Variants in PCDH9 observed in about 807,000 individuals in gnomAD.
PCDH9 encodes the protein protocadherin 9.
Under a neutral mutation model 70.6 loss-of-function variants are expected in PCDH9, and 24 were observed. The observed-to-expected ratio is 0.34, with a 90% CI of 0.25 to 0.48. The LOEUF is 0.48. Among genes scored for constraint, PCDH9 ranks in the 20% least tolerant of loss-of-function variants. The pLI is 0.99. For missense variants in PCDH9, 1,281 were observed against 1,503.6 expected (o/e 0.85, Z 2.45); for synonymous variants, 562 against 558.5 (o/e 1.01, Z -0.09).
intron 4 of PCDH9, among the ~76,000 whole-genome samples, chr13:66,451,920 C>T (rs1160313843): frequency 6.6e-6 from 1 of 152,140 alleles, no homozygotes; most frequent in Non-Finnish European, 1.5e-5. Flanking sequence ...TTTTTCAATA[C>T]TTTTGATATG....
intron 3 of PCDH9, among the ~76,000 whole-genome samples, chr13:66,799,787 A>G (rs1316306007): frequency 6.6e-6 from 1 of 152,150 alleles, no homozygotes; most frequent in Non-Finnish European, 1.5e-5. Context: ...AGGTCAAAAA[A>G]CTTTATGAGT....
rs565350057 is a variant in PCDH9, at chr13:66,375,187, G to A, written c.3341-70159C>T. ...CAGATGAAGTTAAGACAATTTTTCT[G>A]TAATTCCATATAATTACTCAGGTGC... On this transcript the variant is annotated intron_variant, in intron 4 of 4. Coordinates refer to ENST00000377865, the MANE Select transcript of PCDH9 (RefSeq NM_203487.3). 2.0e-5 allele frequency among the ~76,000 whole-genome samples: 3 copies of A among 152,088 alleles called. No individual in the cohort carries two copies. In the East Asian group the frequency reaches 5.8e-4, roughly 29 times the overall value.
intron 2 of PCDH9, among the ~76,000 whole-genome samples, chr13:67,000,481 T>G (rs540017609): frequency 5.0e-4 from 56 of 111,048 alleles, no homozygotes; most frequent in Middle Eastern, 9.1e-3. Context: ...TAAAGTATAA[T>G]AATAATAAAA....
chr13:66,904,123 T>A (rs1322096023), intron 2 of PCDH9, among the ~76,000 whole-genome samples: 1 of 151,930 alleles, frequency 6.6e-6, no homozygotes, highest in Non-Finnish European at 1.5e-5. Flanking sequence ...AGTGATACAT[T>A]TGAAATAGAT....
At chr13:66,675,117 C>A (rs2078224897) in intron 3 of PCDH9, among the ~76,000 whole-genome samples, 1 of 152,060 alleles carries the variant, frequency 6.6e-6, no homozygotes, top group South Asian at 2.1e-4. Context: ...GCCTCAGATT[C>A]CTTATCTGTA....
chr13:66,471,950 C>T (rs1390188885), intron 4 of PCDH9, among the ~76,000 whole-genome samples: 1 of 152,042 alleles, frequency 6.6e-6, no homozygotes, highest in Non-Finnish European at 1.5e-5. Flanking sequence ...GTGGTTCGCG[C>T]CTGTAAACCT....
At chr13:66,425,746 GT>G (rs1957657512) in intron 4 of PCDH9, among the ~76,000 whole-genome samples, 1 of 151,592 alleles carries the variant, frequency 6.6e-6, no homozygotes. Context: ...TGGAAAAACA[GT>G]TTTTATACAG....
chr13:66,855,160 C>T (rs141051623), intron 3 of PCDH9, among the ~76,000 whole-genome samples: 2 of 152,150 alleles, frequency 1.3e-5, no homozygotes, highest in East Asian at 3.9e-4. Flanking sequence ...CATTGTGCTA[C>T]CAATGCTAAT....
intron 3 of PCDH9, among the ~76,000 whole-genome samples, chr13:66,769,383 A>C (rs2079768399): frequency 6.6e-6 from 1 of 152,122 alleles, no homozygotes; most frequent in Non-Finnish European, 1.5e-5. Context: ...TGATGCTTAA[A>C]TTGGGTATAG....
chr13:66,596,824 C>T (rs1300297564), intron 4 of PCDH9, among the ~76,000 whole-genome samples: 5 of 145,000 alleles, frequency 3.4e-5, no homozygotes, highest in Non-Finnish European at 7.5e-5. Flanking sequence ...AAAAAAAAAA[C>T]ATGGCTTGAG....
chr13:66,913,984 G>C (rs1594252089), intron 2 of PCDH9, among the ~76,000 whole-genome samples: 1 of 151,760 alleles, frequency 6.6e-6, no homozygotes, highest in African/African-American at 2.4e-5. Context: ...AAAAGAATTG[G>C]TGCTTTGAAT....
chr13:66,832,622 A>G (rs1289759348), intron 3 of PCDH9, among the ~76,000 whole-genome samples: 1 of 152,124 alleles, frequency 6.6e-6, no homozygotes. Flanking sequence ...TTTCCTCCAT[A>G]TGGGATGATA....
intron 4 of PCDH9, among the ~76,000 whole-genome samples, chr13:66,402,566 A>G (rs1327496241): frequency 6.6e-6 from 1 of 152,116 alleles, no homozygotes; most frequent in African/African-American, 2.4e-5. Flanking sequence ...ATTGGCCTGA[A>G]TCTTTGATTT....
At chr13:66,646,755 A>G (rs2077776217) in intron 3 of PCDH9, among the ~76,000 whole-genome samples, 1 of 152,202 alleles carries the variant, frequency 6.6e-6, no homozygotes, top group African/African-American at 2.4e-5. Flanking sequence ...GTGAATGATC[A>G]CAGGACTTGG....
At chr13:66,889,808 A>G (rs4883791) in intron 3 of PCDH9, among the ~76,000 whole-genome samples, 150,183 of 152,296 alleles carry the variant, frequency 0.99, 74,079 homozygotes, top group Middle Eastern at 1. Flanking sequence ...ATAAAGCAAA[A>G]TTCACTCCTG....
At chr13:66,525,789 GGC>G (rs1397663721) in intron 4 of PCDH9, among the ~76,000 whole-genome samples, 4 of 152,096 alleles carry the variant, frequency 2.6e-5, no homozygotes, top group Non-Finnish European at 5.9e-5. Flanking sequence ...GAATCAGCGT[GGC>G]CAAAATGAAG....
intron 3 of PCDH9, among the ~76,000 whole-genome samples, chr13:66,713,625 G>GTGTATATATATATA (rs1379996611): frequency 1.2e-4 from 13 of 109,996 alleles, no homozygotes; most frequent in African/African-American, 4.0e-4. Context: ...GTGTGTGTGT[G>GTGTATATATATATA]TATATATATA....
chr13:66,318,306 ACTG>A (rs1480145917), intron 4 of PCDH9, among the ~76,000 whole-genome samples: 1 of 152,150 alleles, frequency 6.6e-6, no homozygotes, highest in Non-Finnish European at 1.5e-5. Flanking sequence ...CCAATCATCA[ACTG>A]CTATTTTTTG....
chr13:66,556,278 T>G (rs1215496705), intron 4 of PCDH9, among the ~76,000 whole-genome samples: 2 of 152,102 alleles, frequency 1.3e-5, no homozygotes, highest in African/African-American at 4.8e-5. Flanking sequence ...TAGCTTATTT[T>G]AAAAATCTGT....
Sources: allele counts gnomAD v4.1 joint callset (sites outside exome capture counted in the v4.1 genomes callset), GRCh38; gene constraint gnomAD v4.1.1; transcripts MANE v1.5; gene names NCBI Gene and HGNC (gene_info 2026-07-23, HGNC 2026-07-21).